Variants in CADPS2 observed in about 807,000 individuals in gnomAD.
CADPS2 encodes calcium-dependent secretion activator 2.
In CADPS2, 93 loss-of-function variants were observed where a neutral mutation model predicts 172.5. That is an observed-to-expected ratio of 0.54 (90% CI 0.46 to 0.64). The LOEUF is 0.64. Among genes scored for constraint, CADPS2 ranks in the 30% least tolerant of loss-of-function variants. The pLI is 0.00. For missense variants in CADPS2, 1,420 were observed against 1,565.9 expected (o/e 0.91, Z 1.57); for synonymous variants, 546 against 555.2 (o/e 0.98, Z 0.23).
chr7:122,712,484 G>C (rs916328464), intron 2 of CADPS2, among the ~76,000 whole-genome samples: 10 of 152,098 alleles, frequency 6.6e-5, no homozygotes, highest in Non-Finnish European at 1.3e-4. Flanking sequence ...CAATTTTAGG[G>C]CTACAGCACT....
rs775592599 is a variant in CADPS2, at chr7:122,471,445, C to T, written c.2116G>A (p.Gly706Ser). 1 of 1,613,532 alleles carries T rather than the reference C, an allele frequency of 6.2e-7. No homozygotes were observed. Among genetic ancestry groups the T allele is most frequent in the Non-Finnish European group, 8.5e-7 (1 of 1,179,722 alleles). ...AGCAGGGTAGGGTCAATGACAGCACCATTTTCTGAATGTTCCATCAGTTCT... is the reference window on the plus strand; with the variant it reads ...AGCAGGGTAGGGTCAATGACAGCACTATTTTCTGAATGTTCCATCAGTTCT... ...LAELMEHSEN[G>S]AVIDPTLLHY... Residue 706 changes from glycine to serine, a missense_variant, in exon 14 of 30, where the codon GGT becomes AGT. Physicochemically the swap from Gly to Ser is moderately conservative, Grantham distance 56 (BLOSUM62 0). Transcript: ENST00000449022.
intron 14 of CADPS2, among the ~76,000 whole-genome samples, chr7:122,452,458 C>T (rs576688873): frequency 3.3e-5 from 5 of 152,326 alleles, no homozygotes; most frequent in South Asian, 2.1e-4. Context: ...TGCAATGGCA[C>T]GATCTTGGCT....
At chr7:122,700,028 CCACAATCATGTCAGTGGCA>C (rs1287705476) in intron 2 of CADPS2, among the ~76,000 whole-genome samples, 1 of 152,086 alleles carries the variant, frequency 6.6e-6, no homozygotes, top group East Asian at 1.9e-4. Context: ...TATGTTTTTG[CCACAATCATGTCAGTGGCA>C]CAATATGACA....
intron 17 of CADPS2, chr7:122,421,870 A>T (rs188060479): frequency 5.9e-5 from 9 of 152,324 alleles, no homozygotes; most frequent in Admixed American, 4.6e-4. Context: ...GTTTTTCAGA[A>T]TGAAATTATT....
intron 2 of CADPS2, among the ~76,000 whole-genome samples, chr7:122,663,865 T>A (rs775317558): frequency 6.6e-6 from 1 of 152,110 alleles, no homozygotes; most frequent in African/African-American, 2.4e-5. Flanking sequence ...TAGAGTGATG[T>A]CCTTATGAAT....
chr7:122,599,741 C>T (rs946487418), intron 6 of CADPS2, among the ~76,000 whole-genome samples: 2 of 151,966 alleles, frequency 1.3e-5, no homozygotes, highest in Non-Finnish European at 2.9e-5. Flanking sequence ...GGTTTAGGCC[C>T]TTTGTAAAAG....
intron 8 of CADPS2, among the ~76,000 whole-genome samples, chr7:122,552,095 T>A (rs2064375656): frequency 6.6e-6 from 1 of 152,176 alleles, no homozygotes; most frequent in African/African-American, 2.4e-5. Context: ...CCTCTAACTG[T>A]CCCTGTCCAT....
intron 1 of CADPS2, among the ~76,000 whole-genome samples, chr7:122,872,261 A>T (rs557769873): frequency 6.6e-6 from 1 of 152,248 alleles, no homozygotes; most frequent in East Asian, 1.9e-4. Flanking sequence ...CTTTATAGGG[A>T]TTCTTACAGT....
At chr7:122,625,072 CAG>C (rs2075955751) in intron 4 of CADPS2, among the ~76,000 whole-genome samples, 1 of 149,854 alleles carries the variant, frequency 6.7e-6, no homozygotes, top group South Asian at 2.1e-4. Context: ...TTTTTTGAGA[CAG>C]AGTTTCGCTC....
intron 28 of CADPS2, among the ~76,000 whole-genome samples, chr7:122,333,731 AG>A (rs1243853151): frequency 1.2e-4 from 19 of 152,312 alleles, no homozygotes; most frequent in African/African-American, 4.6e-4. Flanking sequence ...TGCACAATGT[AG>A]TTCATGTCTC....
intron 17 of CADPS2, among the ~76,000 whole-genome samples, chr7:122,435,754 C>A (rs1189823441): frequency 6.6e-6 from 1 of 151,922 alleles, no homozygotes; most frequent in Non-Finnish European, 1.5e-5. Context: ...TTGAAAGCAA[C>A]CTAAATGTTC....
Position 122,817,075 on chromosome 7 carries a change from A to G in CADPS2, c.339+68924T>C, listed in dbSNP as rs13311162. ...GGCCCCACCCATATCTCCCTTCGCT[A>G]ACTCTCTTTTCAGACTCAGCCCGCC... On this transcript the variant is annotated intron_variant, in intron 1 of 29. Transcript: ENST00000449022. 2.5e-3 allele frequency among the ~76,000 whole-genome samples: 369 copies of G among 147,670 alleles called. 7 individuals are homozygous for G. The highest frequency in any genetic ancestry group is 9.3e-3 in the African/African-American group (349 of 37,590).
intron 3 of CADPS2, among the ~76,000 whole-genome samples, chr7:122,657,355 G>A (rs1255665851): frequency 6.6e-6 from 1 of 152,164 alleles, no homozygotes; most frequent in Admixed American, 6.5e-5. Context: ...GAAAGTCATT[G>A]GTAGCTTGAT....
rs376690199 is a variant in CADPS2, at chr7:122,645,444, C to T, written c.787-16116G>A. 1.3e-4 allele frequency among the ~76,000 whole-genome samples: 9 copies of T among 71,886 alleles called. 1 individual carries two copies. Among genetic ancestry groups the T allele is most frequent in the Admixed American group, 2.7e-4 (2 of 7,532 alleles). 47.2% of individuals were successfully genotyped at this position (71,886 alleles called of 152,430 possible). On this transcript the variant is annotated intron_variant, in intron 3 of 29. Transcript: ENST00000449022. Reference sequence around the variant, plus strand: ...ATATGTGTGTATATATGTATATATACACACACATATGTATATATGTGTATA... The same window carrying T: ...ATATGTGTGTATATATGTATATATATACACACATATGTATATATGTGTATA...
intron 2 of CADPS2, among the ~76,000 whole-genome samples, chr7:122,675,477 C>T (rs996426598): frequency 2.0e-5 from 3 of 152,154 alleles, no homozygotes; most frequent in African/African-American, 4.8e-5. Flanking sequence ...TAAATGATAA[C>T]GTGTACTAAA....
chr7:122,620,739 CTT>C (rs1563877456), intron 5 of CADPS2, among the ~76,000 whole-genome samples: 2 of 152,136 alleles, frequency 1.3e-5, no homozygotes, highest in East Asian at 3.9e-4. Flanking sequence ...TTAGAACTGG[CTT>C]ATTTGATATG....
chr7:122,683,544 T>C (rs987226921), intron 2 of CADPS2, among the ~76,000 whole-genome samples: 1 of 152,150 alleles, frequency 6.6e-6, no homozygotes, highest in Non-Finnish European at 1.5e-5. Context: ...ACGTGATGTT[T>C]TGATATGTGC....
At chr7:122,366,477 C>A (rs550971687) in intron 25 of CADPS2, among the ~76,000 whole-genome samples, 2 of 149,330 alleles carry the variant, frequency 1.3e-5, no homozygotes, top group South Asian at 4.3e-4. Flanking sequence ...TGGTGGCGGG[C>A]GCCTGAAATC....
chr7:122,709,542 C>T (rs977238513), intron 2 of CADPS2, among the ~76,000 whole-genome samples: 2 of 151,646 alleles, frequency 1.3e-5, no homozygotes, highest in Admixed American at 6.6e-5. Flanking sequence ...TTTGACCCAG[C>T]CATCCCATTA....
Sources: allele counts gnomAD v4.1 joint callset (sites outside exome capture counted in the v4.1 genomes callset), GRCh38; gene constraint gnomAD v4.1.1; transcripts MANE v1.5; gene names NCBI Gene and HGNC (gene_info 2026-07-23, HGNC 2026-07-21).